THRA: variants seen among roughly 807,000 people sequenced by gnomAD.
THRA encodes the protein EAR-7.
A neutral mutation model predicts 45.0 loss-of-function variants in THRA; 13 were observed. The ratio of observed to expected loss-of-function variants is 0.29; its 90% CI spans 0.19 to 0.46. THRA has a LOEUF of 0.46. THRA is among the 20% of genes least tolerant of loss of function. The pLI is 1.00. For missense variants in THRA, 278 were observed against 556.1 expected (o/e 0.50, Z 5.03); for synonymous variants, 195 against 214.0 (o/e 0.91, Z 0.78).
chr17:40,077,698 T>C (rs1598392749), intron 4 of THRA, 90 bp downstream of exon 4: 1 of 409,540 alleles, frequency 2.4e-6, no homozygotes, highest in Non-Finnish European at 3.8e-6. Context: ...AGGTCATCAC[T>C]TTTTTTTTTT....
Position 40,090,152 on chromosome 17 carries a change from C to T in THRA, c.*696C>T. ...ACCACCCCATGCACTTTGCGAGCTG[C>T]CCCTTCTTCCCCCACATCAGAGAGA... On this transcript the variant is annotated 3_prime_UTR_variant, in exon 9 of 9. Coordinates refer to ENST00000450525, the MANE Select transcript of THRA (RefSeq NM_199334.5). 1 of 361,878 alleles carries T rather than the reference C, an allele frequency of 2.8e-6. No homozygotes were observed. The highest frequency in any genetic ancestry group is 3.8e-6 in the Non-Finnish European group (1 of 263,538). The allele number at this position is 361,878 out of a possible 1,614,324, so 22.4% of individuals were successfully genotyped here. A position where few individuals can be genotyped will look rare whatever the true frequency, so the allele number is the denominator to read the frequency against.
chr17:40,083,338 A>G (rs1015004335), intron 4 of THRA, among the ~76,000 whole-genome samples: 1 of 151,902 alleles, frequency 6.6e-6, no homozygotes, highest in African/African-American at 2.4e-5. Context: ...AAGTTCTGGG[A>G]TTATAGGCAT....
At chr17:40,082,231 T>G (rs1164850312) in intron 4 of THRA, among the ~76,000 whole-genome samples, 2 of 139,036 alleles carry the variant, frequency 1.4e-5, no homozygotes, top group Non-Finnish European at 3.0e-5. Flanking sequence ...TTTTTTTTTT[T>G]GAGACAGAGT....
chr17:40,073,736 C>T (rs566270963), intron 1 of THRA, among the ~76,000 whole-genome samples: 6 of 152,248 alleles, frequency 3.9e-5, no homozygotes, highest in Admixed American at 6.5e-5. Context: ...ATGCTCACTG[C>T]GTGCCGCTCT....
In THRA at chr17:40,084,752, C is replaced by T; in HGVS notation, c.513C>T (p.Ala171=). The T allele has an allele frequency of 6.2e-7, 1 of 1,614,098 alleles. No homozygotes were observed. Among genetic ancestry groups the T allele is most frequent in the Non-Finnish European group, 8.5e-7 (1 of 1,180,032 alleles). Reference sequence around the variant, plus strand: ...AAGAGTGGGATCTGATCCACATTGCCACAGAGGCCCATCGCAGCACCAATG... The same window carrying T: ...AAGAGTGGGATCTGATCCACATTGCTACAGAGGCCCATCGCAGCACCAATG... The part of the protein sequence containing the change: ...TPEEWDLIHI[A]TEAHRSTNAQ... The change falls in exon 6 of 9, where the codon GCC becomes GCT. Residue 171 remains alanine, a synonymous_variant. Coordinates refer to ENST00000450525, the MANE Select transcript of THRA (RefSeq NM_199334.5).
At chr17:40,068,721 C>T (rs1484998774) in intron 1 of THRA, among the ~76,000 whole-genome samples, 1 of 152,164 alleles carries the variant, frequency 6.6e-6, no homozygotes, top group Non-Finnish European at 1.5e-5. Flanking sequence ...TTGGACCAAG[C>T]CCCTGGCCCA....
chr17:40,062,771 G>A (rs1291312285), upstream of THRA: 8 of 144,040 alleles, frequency 5.6e-5, no homozygotes, highest in Non-Finnish European at 9.3e-5. Context: ...GGGGGTCCCG[G>A]GGCGCGGCAG....
chr17:40,071,852 G>A (rs533601951), intron 1 of THRA, among the ~76,000 whole-genome samples: 4 of 152,320 alleles, frequency 2.6e-5, no homozygotes, highest in Admixed American at 2.6e-4. Flanking sequence ...GCCCAAGTGT[G>A]TCCCTGGAGA....
intron 2 of THRA, among the ~76,000 whole-genome samples, chr17:40,075,080 C>T (rs997978655): frequency 5.9e-5 from 9 of 152,272 alleles, no homozygotes; most frequent in East Asian, 1.9e-4. Flanking sequence ...CGATGGGGCT[C>T]CTCCCAGAAA....
chr17:40,067,883 G>C (rs1323213235), intron 1 of THRA, among the ~76,000 whole-genome samples: 1 of 152,182 alleles, frequency 6.6e-6, no homozygotes, highest in Non-Finnish European at 1.5e-5. Context: ...AGCCAGGTGT[G>C]GTGGCGCATG....
intron 4 of THRA, among the ~76,000 whole-genome samples, chr17:40,079,581 A>G (rs1987068537): frequency 6.6e-6 from 1 of 152,072 alleles, no homozygotes; most frequent in Non-Finnish European, 1.5e-5. Context: ...CACCTCCTAA[A>G]AATGCAAGGC....
At chr17:40,088,039 T>C (rs1406108589) in intron 7 of THRA, among the ~76,000 whole-genome samples, 1 of 152,146 alleles carries the variant, frequency 6.6e-6, no homozygotes, top group African/African-American at 2.4e-5. Context: ...GGCATTATAG[T>C]CGTGAGCCAC....
chr17:40,068,755 C>A (rs1253835260), intron 1 of THRA: 1 of 152,348 alleles, frequency 6.6e-6, no homozygotes, highest in African/African-American at 2.4e-5. Context: ...CTCTTTTCCT[C>A]TTCTAAAGAA....
At chr17:40,081,313 C>T (rs1987130248) in intron 4 of THRA, among the ~76,000 whole-genome samples, 3 of 151,772 alleles carry the variant, frequency 2.0e-5, no homozygotes, top group African/African-American at 4.8e-5. Flanking sequence ...TGCAGTGGTG[C>T]GATCATAGCT....
At chr17:40,079,433 T>G (rs961402857) in intron 4 of THRA, among the ~76,000 whole-genome samples, 1 of 152,004 alleles carries the variant, frequency 6.6e-6, no homozygotes, top group Admixed American at 6.6e-5. Flanking sequence ...TTAGTAGAGA[T>G]AGGGTTTCAC....
At position 40,092,960 on chromosome 17, in the gene THRA, G is replaced by A. The variant is rs982852870; in HGVS notation, c.*3504G>A. 3.2e-6 allele frequency: 5 copies of A among 1,566,668 alleles called. No homozygotes were observed. The highest frequency in any genetic ancestry group is 1.9e-4 in the Middle Eastern group (1 of 5,182). ...CTCAGGGGGCCAGAGGCTCATCTTGGAATATTTTATAACAATATAAATAAG... is the reference window on the plus strand; with the variant it reads ...CTCAGGGGGCCAGAGGCTCATCTTGAAATATTTTATAACAATATAAATAAG... On this transcript the variant is annotated 3_prime_UTR_variant, in exon 9 of 9. Transcript: ENST00000450525.
intron 4 of THRA, among the ~76,000 whole-genome samples, chr17:40,080,781 G>A (rs903933691): frequency 6.7e-6 from 1 of 149,006 alleles, no homozygotes; most frequent in Non-Finnish European, 1.5e-5. Context: ...GGAGTGCAGT[G>A]GCGCGATCTT....
intron 1 of THRA, among the ~76,000 whole-genome samples, chr17:40,065,593 T>TTCATACTTTTCCAGTTGTTAATACCCAA (rs1387892233): frequency 3.3e-5 from 5 of 152,300 alleles, no homozygotes; most frequent in African/African-American, 1.2e-4. Context: ...AGCAATGTTC[T>TTCATACTTTTCCAGTTGTTAATACCCAA]TCATACTTTT....
In THRA at chr17:40,092,262, TGAGA is replaced by T. The variant is rs1274240586; in HGVS notation, c.*2813_*2816del. The T allele has an allele frequency of 3.4e-5, 5 of 148,244 alleles. No homozygotes were observed. Among genetic ancestry groups the T allele is most frequent in the Admixed American group, 1.3e-4 (2 of 14,856 alleles). 9.2% of individuals were successfully genotyped at this position (148,244 alleles called of 1,614,324 possible). A position where few individuals can be genotyped will look rare whatever the true frequency, so the allele number is the denominator to read the frequency against. On this transcript the variant is annotated 3_prime_UTR_variant, in exon 9 of 9. Coordinates refer to ENST00000450525, the MANE Select transcript of THRA (RefSeq NM_199334.5). The stretch of plus-strand genomic sequence containing the variant: ...AGGGCTGGGAGAGGGCAGGGCGTTG[TGAGA>T]GAGAGACCGTCCATAAGGAGGACAG...
Sources: gnomAD v4.1 joint callset for allele counts (sites outside exome capture counted in the v4.1 genomes callset) on GRCh38, gnomAD v4.1.1 for gene constraint, MANE v1.5 for transcripts, NCBI Gene and HGNC (gene_info 2026-07-23, HGNC 2026-07-21) for gene names.